The following GBE1 variants were observed in gnomAD, a reference collection of about 807,000 sequenced individuals.
GBE1 encodes 1,4-alpha-glucan-branching enzyme.
A neutral mutation model predicts 88.8 loss-of-function variants in GBE1; 70 were observed. The ratio of observed to expected loss-of-function variants is 0.79; its 90% CI spans 0.65 to 0.96. The LOEUF is 0.96. GBE1 is among the 40% of genes least tolerant of loss of function. The pLI is 0.00. For missense variants in GBE1, 872 were observed against 871.0 expected (o/e 1.00, Z -0.01); for synonymous variants, 284 against 300.1 (o/e 0.95, Z 0.56).
intron 12 of GBE1, among the ~76,000 whole-genome samples, chr3:81,558,731 C>T (rs777157198): frequency 4.6e-5 from 7 of 152,012 alleles, no homozygotes; most frequent in Non-Finnish European, 7.4e-5. Context: ...TGATTATTTT[C>T]TTCACTAAAA....
At chr3:81,570,316 C>T (rs1254559322) in intron 12 of GBE1, among the ~76,000 whole-genome samples, 1 of 152,136 alleles carries the variant, frequency 6.6e-6, no homozygotes, top group Non-Finnish European at 1.5e-5. Flanking sequence ...TTCAAAGTAT[C>T]CTGATTGCCA....
chr3:81,525,838 C>T (rs946077532), intron 14 of GBE1, among the ~76,000 whole-genome samples: 1 of 152,012 alleles, frequency 6.6e-6, no homozygotes, highest in African/African-American at 2.4e-5. Context: ...TTCTAGTATT[C>T]TCTGATGGTA....
chr3:81,573,520 C>T (rs1703603042), intron 12 of GBE1, among the ~76,000 whole-genome samples: 1 of 152,164 alleles, frequency 6.6e-6, no homozygotes, highest in African/African-American at 2.4e-5. Context: ...TATCACTTGC[C>T]TGTATTCCCT....
In GBE1 at chr3:81,650,849, G is replaced by T. The variant is rs539038942; in HGVS notation, c.430-928C>A. On this transcript the variant is annotated intron_variant, in intron 3 of 15. Coordinates refer to ENST00000429644, the MANE Select transcript of GBE1 (RefSeq NM_000158.4). ...TCAGCTAATTTTGGGGGGGTCTGGG[G>T]TTTTTTTGTAGAAATGGGGTTTCTC... 5.9e-5 allele frequency among the ~76,000 whole-genome samples: 9 copies of T among 151,942 alleles called. No homozygotes were observed. In the South Asian group the frequency reaches 1.5e-3, roughly 25 times the overall value.
At chr3:81,519,537 T>C (rs567967847) in intron 14 of GBE1, among the ~76,000 whole-genome samples, 5 of 151,332 alleles carry the variant, frequency 3.3e-5, no homozygotes, top group Non-Finnish European at 7.4e-5. Context: ...GGTCTCAGAA[T>C]GATATTTATC....
chr3:81,490,371 CA>C lies in GBE1; in HGVS notation c.*35del, dbSNP rs1702420716. The C allele has an allele frequency of 6.4e-7, 1 of 1,569,488 alleles. No homozygotes were observed. The highest frequency in any genetic ancestry group is 1.1e-5 in the South Asian group (1 of 90,108). On this transcript the variant is annotated 3_prime_UTR_variant, in exon 16 of 16. Transcript: ENST00000429644. ...ACAGTGATAACAAGAAAACAAAACA[CA>C]AATCTGCATCTGGTGGAGCTGAAAT...
intron 12 of GBE1, among the ~76,000 whole-genome samples, chr3:81,571,840 A>C (rs1703579042): frequency 6.6e-6 from 1 of 152,214 alleles, no homozygotes; most frequent in Admixed American, 6.5e-5. Context: ...TTTAAAACAA[A>C]ACTGGCAGTA....
intron 2 of GBE1, among the ~76,000 whole-genome samples, chr3:81,685,079 G>GAC (rs1277375043): frequency 6.6e-6 from 1 of 152,168 alleles, no homozygotes; most frequent in African/African-American, 2.4e-5. Flanking sequence ...AAGCCAGAGA[G>GAC]ACACATAGAG....
Position 81,549,123 on chromosome 3 carries a change from T to C in GBE1, c.1619-12028A>G, listed in dbSNP as rs746622533. On this transcript the variant is annotated intron_variant, in intron 12 of 15. Transcript: ENST00000429644. ...TCACTTACTGCAACCTCCGCCTCCC[T>C]GGTTCAAGCAATTCTCCTGCCTCAG... Among the ~76,000 whole-genome samples, 8 of 148,268 alleles carry C rather than the reference T, an allele frequency of 5.4e-5. 1 individual carries two copies. The highest frequency in any genetic ancestry group is 1.2e-4 in the Non-Finnish European group (8 of 66,610).
chr3:81,737,517 T>G (rs1706284095), intron 1 of GBE1, among the ~76,000 whole-genome samples: 1 of 149,828 alleles, frequency 6.7e-6, no homozygotes, highest in African/African-American at 2.4e-5. Flanking sequence ...AGACCACTGC[T>G]GAGTCGCCAA....
chr3:81,633,706 C>A (rs1704549894), intron 7 of GBE1, among the ~76,000 whole-genome samples: 1 of 152,022 alleles, frequency 6.6e-6, no homozygotes, highest in South Asian at 2.1e-4. Context: ...ATTACCATTG[C>A]TAATACAAAA....
intron 1 of GBE1, among the ~76,000 whole-genome samples, chr3:81,737,363 ATATTTATATATATTTTTATATATATT>A (rs1559703717): frequency 1.1e-4 from 15 of 132,976 alleles, no homozygotes; most frequent in East Asian, 2.0e-4. Flanking sequence ...ATATATTTAT[ATATTTATATATATTTTTATATATATT>A]TATATAAATA....
At position 81,525,689 on chromosome 3, in the gene GBE1, AATT is replaced by A. The variant is rs1156286500; in HGVS notation, c.1934+9503_1934+9505del. 1.2e-4 allele frequency among the ~76,000 whole-genome samples: 18 copies of A among 152,020 alleles called. No individual in the cohort carries two copies. In the South Asian group the frequency reaches 3.7e-3, roughly 32 times the overall value. On this transcript the variant is annotated intron_variant, in intron 14 of 15. Coordinates refer to ENST00000429644, the MANE Select transcript of GBE1 (RefSeq NM_000158.4). Reference sequence around the variant, plus strand: ...GACTTTTTTTGGTTGGTAAGCTATTAATTATTGCCTCAATTTCAGAGCCTGTTA... The same window carrying A: ...GACTTTTTTTGGTTGGTAAGCTATTAATTGCCTCAATTTCAGAGCCTGTTA...
In GBE1 at chr3:81,650,836, G is replaced by T. The variant is rs550392079; in HGVS notation, c.430-915C>A. Among the ~76,000 whole-genome samples the T allele has an allele frequency of 1.3e-3, 191 of 150,998 alleles. 1 individual carries two copies. The highest frequency in any genetic ancestry group is 4.4e-3 in the African/African-American group (181 of 40,748). On this transcript the variant is annotated intron_variant, in intron 3 of 15. Transcript: ENST00000429644. Reference sequence around the variant, plus strand: ...TGTACCACCATGCTCAGCTAATTTTGGGGGGGTCTGGGGTTTTTTTGTAGA... The same window carrying T: ...TGTACCACCATGCTCAGCTAATTTTTGGGGGGTCTGGGGTTTTTTTGTAGA...
intron 14 of GBE1, among the ~76,000 whole-genome samples, chr3:81,528,840 C>A (rs1018851239): frequency 2.6e-5 from 4 of 151,928 alleles, no homozygotes; most frequent in Admixed American, 2.0e-4. Context: ...TTTTCCATCC[C>A]TTTATTTGCT....
chr3:81,670,702 T>G (rs1705177527), intron 3 of GBE1, 136 bp downstream of exon 3: 6 of 545,766 alleles, frequency 1.1e-5, no homozygotes, highest in Non-Finnish European at 1.9e-5. Context: ...TAAATTTCCC[T>G]CTATTTGTAC....
intron 7 of GBE1, among the ~76,000 whole-genome samples, chr3:81,606,027 GC>G (rs1311457053): frequency 6.6e-6 from 1 of 152,002 alleles, no homozygotes; most frequent in Non-Finnish European, 1.5e-5. Context: ...TCTGCTTCTT[GC>G]CAGCAATTTA....
intron 2 of GBE1, among the ~76,000 whole-genome samples, chr3:81,704,653 G>A (rs193144077): frequency 9.2e-5 from 14 of 152,154 alleles, no homozygotes; most frequent in South Asian, 2.1e-4. Flanking sequence ...AAAGGATTAT[G>A]ATCATTTTGA....
intron 1 of GBE1, among the ~76,000 whole-genome samples, chr3:81,753,938 A>G (rs772144192): frequency 6.6e-6 from 1 of 152,186 alleles, no homozygotes; most frequent in African/African-American, 2.4e-5. Flanking sequence ...GTGGGAACCA[A>G]TTTTTGGTGT....
Sources: gnomAD v4.1 joint callset for allele counts (sites outside exome capture counted in the v4.1 genomes callset) on GRCh38, gnomAD v4.1.1 for gene constraint, MANE v1.5 for transcripts, NCBI Gene and HGNC (gene_info 2026-07-23, HGNC 2026-07-21) for gene names.